The following NLK variants were observed in gnomAD, a reference collection of about 807,000 sequenced individuals.
NLK encodes the protein nemo like kinase, also known as serine/threonine-protein kinase NLK.
NLK carries 11 observed loss-of-function variants against 59.0 expected under a neutral mutation model. That is an observed-to-expected ratio of 0.19 (90% CI 0.12 to 0.31). The LOEUF (loss-of-function observed/expected upper bound fraction) is 0.31, where lower values mean the gene tolerates loss of function less well. Ranked by LOEUF, NLK falls within the 10% of genes least tolerant of loss-of-function variation. The pLI, the probability that NLK is intolerant of heterozygous loss-of-function variation, is 1.00. For missense variants in NLK, 410 were observed against 661.1 expected, an observed-to-expected ratio of 0.62 and a Z score of 4.16; for synonymous variants, 235 against 235.9, an observed-to-expected ratio of 1.00 and a Z score of 0.03.
At chr17:28,075,374 C>A (rs1272872797) in intron 1 of NLK, among the ~76,000 whole-genome samples, 1 of 152,236 alleles carries the variant, frequency 6.6e-6, no homozygotes, top group Non-Finnish European at 1.5e-5. Flanking sequence ...AGGTGGAAAT[C>A]AAAGTAACCT....
rs374092009 is a variant in NLK at position 28,136,670 on chromosome 17, C to T, written c.644+3995C>T. ...CCAGGCTGGAATACAATGGCATAAT[C>T]TCGGCTTACTGCAACCTCCACCTCC... On this transcript the variant is annotated intron_variant, in intron 3 of 10. Coordinates refer to ENST00000407008, the MANE Select transcript of NLK (RefSeq NM_016231.5). Among the ~76,000 whole-genome samples, 11 of 152,256 alleles carry T rather than the reference C, an allele frequency of 7.2e-5. No individual in the cohort carries two copies. The East Asian group carries it at 2.1e-3, about 29-fold the overall frequency.
chr17:28,071,428 T>C (rs1291696564), intron 1 of NLK, among the ~76,000 whole-genome samples: 1 of 150,558 alleles, frequency 6.6e-6, no homozygotes, highest in Admixed American at 6.6e-5. Context: ...ATGGTATAGC[T>C]CTCCACTTTT....
intron 7 of NLK, among the ~76,000 whole-genome samples, chr17:28,181,404 A>G (rs552752926): frequency 2.6e-5 from 4 of 151,960 alleles, no homozygotes; most frequent in African/African-American, 9.6e-5. Flanking sequence ...CTTTGCCTCA[A>G]AAAAGAAACA....
chr17:28,130,089 A>G (rs1003106502), intron 2 of NLK, among the ~76,000 whole-genome samples: 1 of 152,168 alleles, frequency 6.6e-6, no homozygotes, highest in Admixed American at 6.5e-5. Context: ...TCCTTTGAAG[A>G]GTGTGGTATT....
the NLK span, among the ~76,000 whole-genome samples, chr17:28,204,922 C>A: frequency 6.6e-6 from 1 of 152,180 alleles, no homozygotes; most frequent in Non-Finnish European, 1.5e-5. Flanking sequence ...TGAAGAATTC[C>A]CCTGTGGTCA....
In NLK at chr17:28,055,870, C is replaced by A. The variant is rs183652518; in HGVS notation, c.458+12539C>A. Reference sequence around the variant, plus strand: ...GAGATTTTTTTCTGATTAACTCCAACTGTTTTTGAAAAATTCATTCAAATT... The same window carrying A: ...GAGATTTTTTTCTGATTAACTCCAAATGTTTTTGAAAAATTCATTCAAATT... On this transcript the variant is annotated intron_variant, in intron 1 of 10. Coordinates refer to ENST00000407008, the MANE Select transcript of NLK (RefSeq NM_016231.5). Among the ~76,000 whole-genome samples the A allele has an allele frequency of 2.6e-5, 4 of 152,274 alleles. No individual in the cohort carries two copies. In the East Asian group the frequency reaches 5.8e-4, roughly 22 times the overall value.
intron 7 of NLK, among the ~76,000 whole-genome samples, chr17:28,175,220 C>T (rs985959139): frequency 1.3e-5 from 2 of 151,266 alleles, no homozygotes; most frequent in East Asian, 1.9e-4. Flanking sequence ...CGGAGGCAGG[C>T]GGATCACGAG....
chr17:28,066,721 A>C (rs1042558314), intron 1 of NLK, among the ~76,000 whole-genome samples: 1 of 152,228 alleles, frequency 6.6e-6, no homozygotes, highest in Non-Finnish European at 1.5e-5. Flanking sequence ...TTGCATTCCC[A>C]CCAACAAGGT....
downstream of NLK, among the ~76,000 whole-genome samples, chr17:28,197,434 A>C (rs1597732579): frequency 6.6e-6 from 1 of 150,958 alleles, no homozygotes. Flanking sequence ...GTGCCAGTGC[A>C]CTCCAGACTG....
chr17:28,182,645 G>A (rs1908955762), intron 7 of NLK, among the ~76,000 whole-genome samples: 1 of 152,198 alleles, frequency 6.6e-6, no homozygotes, highest in African/African-American at 2.4e-5. Context: ...GTAATGTAGT[G>A]TTGCTGAGAT....
intron 1 of NLK, 114 bp downstream of exon 1, chr17:28,043,445 A>G (rs908387249): frequency 1.1e-6 from 1 of 941,738 alleles, no homozygotes; most frequent in Admixed American, 2.8e-5. Flanking sequence ...AAGCTTCTCA[A>G]CCCAACTGTA....
At chr17:28,178,213 C>T (rs892057389) in intron 7 of NLK, among the ~76,000 whole-genome samples, 1 of 152,158 alleles carries the variant, frequency 6.6e-6, no homozygotes, top group East Asian at 1.9e-4. Flanking sequence ...TGTCCCTTGC[C>T]TATTTCAGAC....
At position 28,114,391 on chromosome 17, in the gene NLK, A is replaced by G. The variant is rs1174498638; in HGVS notation, c.459-8212A>G. Among the ~76,000 whole-genome samples, 4 of 152,190 alleles carry G rather than the reference A, an allele frequency of 2.6e-5. No homozygotes were observed. The East Asian group carries it at 5.8e-4, about 22-fold the overall frequency. On this transcript the variant is annotated intron_variant, in intron 1 of 10. Transcript: ENST00000407008. ...AGAATTTCCATTGCACTTCATCTCA[A>G]CAAAACATTTGCTATTGTTAGACTT...
chr17:28,122,565 G>C (rs778525777), intron 1 of NLK, 38 bp from the exon 2 acceptor site: 1 of 1,610,232 alleles, frequency 6.2e-7, no homozygotes, highest in Admixed American at 1.7e-5. Context: ...TGATTTCTCT[G>C]TCTTTTTTTT....
At chr17:28,159,069 G>T (rs1249336013) in intron 3 of NLK, among the ~76,000 whole-genome samples, 1 of 152,168 alleles carries the variant, frequency 6.6e-6, no homozygotes, top group East Asian at 1.9e-4. Context: ...AACCACAAAG[G>T]ACGTGAAAGA....
intron 1 of NLK, among the ~76,000 whole-genome samples, chr17:28,119,775 T>G (rs892124345): frequency 8.5e-5 from 13 of 152,308 alleles, no homozygotes; most frequent in Non-Finnish European, 1.6e-4. Flanking sequence ...GACACCTCAT[T>G]CAAGTGATTA....
At chr17:28,159,777 T>C (rs1407807438) in intron 3 of NLK, among the ~76,000 whole-genome samples, 1 of 151,908 alleles carries the variant, frequency 6.6e-6, no homozygotes, top group African/African-American at 2.4e-5. Context: ...AATATAACAG[T>C]AAAAAAAATT....
chr17:28,069,519 T>G (rs1159419238), intron 1 of NLK, among the ~76,000 whole-genome samples: 2 of 152,236 alleles, frequency 1.3e-5, no homozygotes, highest in Admixed American at 6.5e-5. Context: ...AGATGAGAGT[T>G]CTAACCCACT....
At chr17:28,061,812 TATATA>T (rs914858993) in intron 1 of NLK, among the ~76,000 whole-genome samples, 1 of 145,990 alleles carries the variant, frequency 6.8e-6, no homozygotes, top group African/African-American at 2.5e-5. Context: ...TACATATACA[TATATA>T]ATATATACAT....
Sources: gnomAD v4.1 joint callset for allele counts (sites outside exome capture counted in the v4.1 genomes callset) on GRCh38, gnomAD v4.1.1 for gene constraint, MANE v1.5 for transcripts, NCBI Gene and HGNC (gene_info 2026-07-23, HGNC 2026-07-21) for gene names.